TRIO: variants seen among roughly 807,000 people sequenced by gnomAD.
The protein encoded by TRIO is triple functional domain protein.
A neutral mutation model predicts 351.9 loss-of-function variants in TRIO; 58 were observed. The ratio of observed to expected loss-of-function variants is 0.16; its 90% CI spans 0.13 to 0.21. The LOEUF (loss-of-function observed/expected upper bound fraction) is 0.21. Ranked by LOEUF, TRIO falls within the 10% of genes least tolerant of loss-of-function variation. The pLI is 1.00. For synonymous variants in TRIO, 1,758 were observed against 1,595.7 expected (o/e 1.10, Z -2.42); for missense variants, 3,201 against 4,027.8 (o/e 0.79, Z 5.56).
intron 48 of TRIO, 57 bp from the exon 49 acceptor site, chr5:14,492,510 T>C: frequency 1.9e-6 from 3 of 1,589,012 alleles, no homozygotes; most frequent in Non-Finnish European, 2.6e-6. Flanking sequence ...TTTCATGTGA[T>C]CAGGTCTCGT....
rs769177234 is a variant in TRIO at position 14,508,138 on chromosome 5, A to G, written c.9010A>G (p.Ile3004Val). 6.2e-7 allele frequency: 1 copy of G among 1,614,142 alleles called. No individual in the cohort carries two copies. The highest frequency in any genetic ancestry group is 1.1e-5 in the South Asian group (1 of 91,080). Residue 3004 changes from isoleucine (I) to valine (V), a missense_variant, in exon 57 of 57, where the codon ATT (isoleucine) becomes GTT (valine). Around this residue, in one of 19 missense-constraint regions of TRIO, gnomAD observed 233 missense variants for 292.6 expected, o/e 0.80. Coordinates refer to ENST00000344204, the MANE Select transcript of TRIO (RefSeq NM_007118.4). Reference protein sequence around the residue: ...DDSVEETCLNICRLDFSFPDD... With the variant: ...DDSVEETCLNVCRLDFSFPDD... Reference sequence around the variant, plus strand: ...CAGTGTGGAAGAGACCTGCCTGAACATTTGCCGCTTAGACTTTAGCTTCCC... The same window carrying G: ...CAGTGTGGAAGAGACCTGCCTGAACGTTTGCCGCTTAGACTTTAGCTTCCC...
At chr5:14,174,669 T>C (rs1433215114) in intron 1 of TRIO, among the ~76,000 whole-genome samples, 1 of 152,230 alleles carries the variant, frequency 6.6e-6, no homozygotes, top group East Asian at 1.9e-4. Flanking sequence ...AAGAAGATGT[T>C]CTTTGATCAC....
intron 1 of TRIO, among the ~76,000 whole-genome samples, chr5:14,197,258 T>C (rs1456552641): frequency 6.6e-6 from 1 of 151,936 alleles, no homozygotes; most frequent in Admixed American, 6.6e-5. Flanking sequence ...TACTGATTTG[T>C]TGTGCCTGCT....
At chr5:14,233,561 C>T (rs574941670) in intron 1 of TRIO, among the ~76,000 whole-genome samples, 3 of 151,780 alleles carry the variant, frequency 2.0e-5, no homozygotes, top group Admixed American at 6.6e-5. Context: ...TCCTTTCTTC[C>T]TTCTCTTATT....
At chr5:14,413,046 A>G (rs1749334919) in intron 33 of TRIO, among the ~76,000 whole-genome samples, 1 of 152,214 alleles carries the variant, frequency 6.6e-6, no homozygotes, top group South Asian at 2.1e-4. Flanking sequence ...TCTCCGTTAT[A>G]CAGATGGCTT....
intron 1 of TRIO, among the ~76,000 whole-genome samples, chr5:14,237,587 C>T (rs1793857876): frequency 1.3e-5 from 2 of 152,160 alleles, no homozygotes; most frequent in Admixed American, 1.3e-4. Context: ...CTGCTGCGGA[C>T]AGCAGTTGTT....
At chr5:14,319,204 T>C (rs1009539702) in intron 9 of TRIO, among the ~76,000 whole-genome samples, 1 of 152,234 alleles carries the variant, frequency 6.6e-6, no homozygotes, top group Non-Finnish European at 1.5e-5. Flanking sequence ...ATAATGCATA[T>C]ATGGTCCTGT....
chr5:14,398,842 C>A (rs751066036), intron 29 of TRIO, 38 bp from the exon 30 acceptor site: 3 of 1,552,458 alleles, frequency 1.9e-6, no homozygotes, highest in Admixed American at 2.1e-5. Flanking sequence ...TTTTATTTTT[C>A]TTTTAAATTG....
At chr5:14,318,607 ATGT>A (rs780045249) in intron 9 of TRIO, among the ~76,000 whole-genome samples, 17 of 152,196 alleles carry the variant, frequency 1.1e-4, no homozygotes, top group African/African-American at 1.7e-4. Context: ...CTTCTTAACA[ATGT>A]TGTTTTAGTC....
chr5:14,204,241 C>T (rs1439267854), intron 1 of TRIO, among the ~76,000 whole-genome samples: 7 of 152,152 alleles, frequency 4.6e-5, no homozygotes, highest in Admixed American at 4.6e-4. Context: ...ATTTTGAAAG[C>T]ACCAGCCTGT....
At chr5:14,467,586 C>G (rs991221694) in intron 37 of TRIO, among the ~76,000 whole-genome samples, 1 of 152,106 alleles carries the variant, frequency 6.6e-6, no homozygotes. Flanking sequence ...GAGGCCAAGG[C>G]AGGCATATTG....
At chr5:14,369,259 C>T in intron 17 of TRIO, 115 bp from the exon 18 acceptor site, 1 of 1,430,612 alleles carries the variant, frequency 7.0e-7, no homozygotes, top group Non-Finnish European at 9.3e-7. Context: ...TTCTTATGGT[C>T]TTGATCCTCC....
intron 34 of TRIO, among the ~76,000 whole-genome samples, chr5:14,425,161 C>G (rs1202653830): frequency 1.3e-5 from 2 of 152,236 alleles, no homozygotes; most frequent in African/African-American, 4.8e-5. Flanking sequence ...CATTACCATT[C>G]ACATCTAGAA....
chr5:14,436,539 A>G (rs1398322387), intron 34 of TRIO, among the ~76,000 whole-genome samples: 2 of 152,194 alleles, frequency 1.3e-5, no homozygotes, highest in African/African-American at 4.8e-5. Flanking sequence ...CAATAACTCA[A>G]AAGTCCACAG....
chr5:14,367,561 TTCCAGGCC>T, intron 16 of TRIO, among the ~76,000 whole-genome samples: 1 of 152,304 alleles, frequency 6.6e-6, no homozygotes, highest in Middle Eastern at 3.4e-3. Flanking sequence ...CTCAGGCCAA[TTCCAGGCC>T]TGATCCAATT....
chr5:14,430,357 C>T (rs1046559553), intron 34 of TRIO, among the ~76,000 whole-genome samples: 2 of 151,972 alleles, frequency 1.3e-5, no homozygotes, highest in Non-Finnish European at 2.9e-5. Flanking sequence ...CAAGAGCATG[C>T]AATGAAATAT....
chr5:14,467,265 A>G (rs1754329776), intron 37 of TRIO, among the ~76,000 whole-genome samples: 1 of 152,202 alleles, frequency 6.6e-6, no homozygotes, highest in Admixed American at 6.5e-5. Context: ...CTCTTCCTGC[A>G]TTTGGGCATT....
At chr5:14,461,570 G>A (rs192232981) in intron 35 of TRIO, among the ~76,000 whole-genome samples, 7 of 152,210 alleles carry the variant, frequency 4.6e-5, no homozygotes, top group Middle Eastern at 3.4e-3. Flanking sequence ...ATCACCATGC[G>A]CCCCAGGCCC....
chr5:14,174,955 C>G (rs542702313), intron 1 of TRIO, among the ~76,000 whole-genome samples: 1 of 152,306 alleles, frequency 6.6e-6, no homozygotes. Flanking sequence ...TCATGCTCAT[C>G]ACTTCAAAAC....
Sources: allele counts gnomAD v4.1 joint callset (sites outside exome capture counted in the v4.1 genomes callset), GRCh38; gene constraint gnomAD v4.1.1; regional missense constraint gnomAD v4.1.1; transcripts MANE v1.5; gene names NCBI Gene and HGNC (gene_info 2026-07-23, HGNC 2026-07-21).